Variants in GLIS3 observed in about 807,000 individuals in gnomAD.
GLIS3 encodes GLIS family zinc finger 3, also known as zinc finger protein GLIS3.
A neutral mutation model predicts 78.6 loss-of-function variants in GLIS3; 53 were observed. The observed-to-expected ratio is 0.67, with a 90% CI of 0.54 to 0.85. The LOEUF (loss-of-function observed/expected upper bound fraction) is 0.85. GLIS3 is among the 40% of genes least tolerant of loss of function. The pLI is 0.00. For synonymous variants in GLIS3, 684 were observed against 509.9 expected (o/e 1.34, Z -4.60); for missense variants, 1,703 against 1,231.1 (o/e 1.38, Z -5.74).
intron 2 of GLIS3, among the ~76,000 whole-genome samples, chr9:4,215,142 T>C (rs561143772): frequency 1.3e-5 from 2 of 152,284 alleles, no homozygotes; most frequent in South Asian, 4.1e-4. Flanking sequence ...AGGACAAAAC[T>C]CTAAGACCAC....
chr9:3,913,108 C>T (rs930322411), intron 6 of GLIS3, among the ~76,000 whole-genome samples: 6 of 152,146 alleles, frequency 3.9e-5, no homozygotes, highest in Middle Eastern at 3.2e-3. Context: ...TCGCTACAGC[C>T]CCTGCCTATG....
At chr9:4,169,953 C>T (rs983787247) in intron 2 of GLIS3, among the ~76,000 whole-genome samples, 3 of 152,134 alleles carry the variant, frequency 2.0e-5, no homozygotes, top group African/African-American at 4.8e-5. Context: ...CTCTTAGACA[C>T]AAGCGTCCTC....
At chr9:3,830,150 G>A (rs1817962621) in intron 9 of GLIS3, among the ~76,000 whole-genome samples, 1 of 152,126 alleles carries the variant, frequency 6.6e-6, no homozygotes. Context: ...TGAGAAAAGA[G>A]TAATATTTGA....
chr9:3,905,295 CTT>C (rs1022625408), intron 6 of GLIS3, among the ~76,000 whole-genome samples: 4 of 151,880 alleles, frequency 2.6e-5, no homozygotes, highest in African/African-American at 9.7e-5. Flanking sequence ...CCGCCTGACT[CTT>C]TGATATTCTA....
chr9:4,072,153 T>C (rs916298417), intron 4 of GLIS3, among the ~76,000 whole-genome samples: 2 of 152,242 alleles, frequency 1.3e-5, no homozygotes, highest in Non-Finnish European at 2.9e-5. Flanking sequence ...TTCTGTATTT[T>C]GTCTTAGGGG....
intron 8 of GLIS3, among the ~76,000 whole-genome samples, chr9:3,856,792 C>A (rs1387376525): frequency 2.6e-5 from 4 of 152,128 alleles, no homozygotes; most frequent in South Asian, 4.2e-4. Flanking sequence ...CCGTGCTTGG[C>A]AAAGAGTGTT....
chr9:4,189,828 T>C (rs1179358346), intron 2 of GLIS3, among the ~76,000 whole-genome samples: 1 of 152,190 alleles, frequency 6.6e-6, no homozygotes, highest in Non-Finnish European at 1.5e-5. Context: ...CCTGCCTTTT[T>C]TTTTGTTTTC....
In GLIS3 at chr9:3,961,854, C is replaced by A. The variant is rs192775293; in HGVS notation, c.1711-24665G>T. 1.5e-3 allele frequency among the ~76,000 whole-genome samples: 232 copies of A among 152,242 alleles called. 3 individuals are homozygous for A. The highest frequency in any genetic ancestry group is 1.3e-3 in the Non-Finnish European group (87 of 68,026). On this transcript the variant is annotated intron_variant, in intron 4 of 10. Coordinates refer to ENST00000381971, the MANE Select transcript of GLIS3 (RefSeq NM_001042413.2). ...CCACTTAATACAAAAACCAATGAAA[C>A]CTTCAAGAAAATTAGTTATGATCAC...
At chr9:4,271,862 G>A (rs1287159139) in intron 2 of GLIS3, among the ~76,000 whole-genome samples, 1 of 152,202 alleles carries the variant, frequency 6.6e-6, no homozygotes, top group Non-Finnish European at 1.5e-5. Flanking sequence ...TGGGGTCGGA[G>A]CAAACCTGGA....
chr9:3,874,174 G>A (rs1821150241), intron 8 of GLIS3, among the ~76,000 whole-genome samples: 1 of 152,110 alleles, frequency 6.6e-6, no homozygotes, highest in Non-Finnish European at 1.5e-5. Context: ...TCAACTTTCA[G>A]CCTCAACCCC....
At chr9:4,487,374 G>A in the GLIS3 span, among the ~76,000 whole-genome samples, 124,687 of 152,128 alleles carry the variant, frequency 0.82, 51,588 homozygotes, top group African/African-American at 0.94. Context: ...ACAGATTATT[G>A]TATTAAATTA....
chr9:4,209,880 C>G (rs1020012731), intron 2 of GLIS3, among the ~76,000 whole-genome samples: 7 of 151,276 alleles, frequency 4.6e-5, no homozygotes, highest in African/African-American at 1.5e-4. Flanking sequence ...AAGTTGAGAA[C>G]CACTGCTCCA....
At chr9:4,278,520 G>A (rs974666636) in intron 2 of GLIS3, among the ~76,000 whole-genome samples, 2 of 152,124 alleles carry the variant, frequency 1.3e-5, no homozygotes, top group South Asian at 4.1e-4. Context: ...TGATGGTAAT[G>A]AATTCTAACA....
At chr9:4,453,228 G>A in the GLIS3 span, among the ~76,000 whole-genome samples, 3 of 150,562 alleles carry the variant, frequency 2.0e-5, no homozygotes, top group Non-Finnish European at 3.0e-5. Flanking sequence ...AACCTAGGCA[G>A]TACCATTCAG....
intron 2 of GLIS3, among the ~76,000 whole-genome samples, chr9:4,243,542 A>G (rs1462781022): frequency 6.6e-6 from 1 of 152,226 alleles, no homozygotes; most frequent in African/African-American, 2.4e-5. Flanking sequence ...GATTTAGAAT[A>G]AAGAATATAT....
At chr9:3,893,890 T>G (rs1822629150) in intron 7 of GLIS3, among the ~76,000 whole-genome samples, 1 of 152,226 alleles carries the variant, frequency 6.6e-6, no homozygotes, top group Admixed American at 6.5e-5. Flanking sequence ...GGCTCAGGAC[T>G]AGAGGTGGGG....
the GLIS3 span, among the ~76,000 whole-genome samples, chr9:4,466,858 G>C: frequency 6.6e-6 from 1 of 152,246 alleles, no homozygotes; most frequent in African/African-American, 2.4e-5. Context: ...AAGTGCAAGG[G>C]GGTCGGGGTA....
At chr9:4,114,078 G>T (rs1028208407) in intron 4 of GLIS3, among the ~76,000 whole-genome samples, 2 of 152,140 alleles carry the variant, frequency 1.3e-5, no homozygotes, top group African/African-American at 4.8e-5. Context: ...ACTGCTTTCA[G>T]TCGTACGTGA....
Position 4,248,406 on chromosome 9 carries a change from A to G in GLIS3, c.388+37632T>C, listed in dbSNP as rs550318487. 5.4e-3 allele frequency among the ~76,000 whole-genome samples: 823 copies of G among 152,264 alleles called. 9 individuals carry two copies. Among genetic ancestry groups the G allele is most frequent in the Non-Finnish European group, 8.1e-3 (548 of 68,012 alleles). On this transcript the variant is annotated intron_variant, in intron 2 of 10. Coordinates refer to ENST00000381971, the MANE Select transcript of GLIS3 (RefSeq NM_001042413.2). ...TTCCAGCTTCATCCATGTCCCTGTA[A>G]AGGACATGAACTCAATTCTTTTTTA...
Sources: gnomAD v4.1 joint callset for allele counts (sites outside exome capture counted in the v4.1 genomes callset) on GRCh38, gnomAD v4.1.1 for gene constraint, MANE v1.5 for transcripts, NCBI Gene and HGNC (gene_info 2026-07-23, HGNC 2026-07-21) for gene names.